HYCC1: variants seen among roughly 807,000 people sequenced by gnomAD.
The protein encoded by HYCC1 is hyccin.
chr7:22,946,940 G>C, the HYCC1 span: 1 of 1,539,266 alleles, frequency 6.5e-7, no homozygotes, highest in Admixed American at 2.0e-5. Context: ...GTGGCCCTTT[G>C]CCTTAAGATA....
At chr7:22,929,893 G>A in the HYCC1 span, among the ~76,000 whole-genome samples, 10,256 of 152,152 alleles carry the variant, frequency 0.067, 489 homozygotes, top group Non-Finnish European at 0.095. Flanking sequence ...ACGTGCACAC[G>A]TATGTTTATA....
At chr7:22,974,723 T>G in the HYCC1 span, among the ~76,000 whole-genome samples, 2 of 152,194 alleles carry the variant, frequency 1.3e-5, no homozygotes, top group Non-Finnish European at 2.9e-5. Context: ...CCGTCCTCTG[T>G]GATATGGTTT....
the HYCC1 span, among the ~76,000 whole-genome samples, chr7:22,929,873 C>G: frequency 3.3e-5 from 5 of 152,158 alleles, no homozygotes; most frequent in African/African-American, 1.2e-4. Context: ...AATCATGCTG[C>G]TATAAAGACA....
the HYCC1 span, among the ~76,000 whole-genome samples, chr7:22,984,818 A>G: frequency 6.6e-6 from 1 of 152,156 alleles, no homozygotes; most frequent in Non-Finnish European, 1.5e-5. Flanking sequence ...GAGCTAGAGA[A>G]AAAGATATCC....
chr7:23,011,082 TC>T, the HYCC1 span, among the ~76,000 whole-genome samples: 10 of 152,178 alleles, frequency 6.6e-5, no homozygotes, highest in Non-Finnish European at 1.5e-5. Context: ...AACCTGTTCC[TC>T]CTCCACTGGA....
At chr7:22,921,626 G>C in the HYCC1 span, among the ~76,000 whole-genome samples, 207 of 152,276 alleles carry the variant, frequency 1.4e-3, 7 homozygotes, top group East Asian at 0.034. Context: ...TAGGGGATTA[G>C]TTCCACACGG....
chr7:22,989,242 G>T, the HYCC1 span, among the ~76,000 whole-genome samples: 1 of 150,782 alleles, frequency 6.6e-6, no homozygotes. Flanking sequence ...AAAAAAAGCC[G>T]TGATAACAGA....
chr7:22,979,167 T>C, the HYCC1 span, among the ~76,000 whole-genome samples: 1 of 152,214 alleles, frequency 6.6e-6, no homozygotes, highest in Non-Finnish European at 1.5e-5. Flanking sequence ...AAACAGATTT[T>C]CTACAACCAA....
At chr7:22,907,385 C>T in the HYCC1 span, among the ~76,000 whole-genome samples, 3 of 152,168 alleles carry the variant, frequency 2.0e-5, no homozygotes, top group Non-Finnish European at 4.4e-5. Context: ...CTTAGCCTGT[C>T]CAGGCAACCT....
chr7:22,922,398 C>T, the HYCC1 span, among the ~76,000 whole-genome samples: 2 of 152,312 alleles, frequency 1.3e-5, no homozygotes, highest in African/African-American at 4.8e-5. Context: ...ATACATCCAG[C>T]CTACTATATC....
chr7:22,940,519 T>C, the HYCC1 span: 6 of 152,282 alleles, frequency 3.9e-5, no homozygotes, highest in African/African-American at 1.4e-4. Context: ...CCCAAAAGGC[T>C]GGGATTACAG....
the HYCC1 span, among the ~76,000 whole-genome samples, chr7:22,978,908 C>T: frequency 1.3e-5 from 2 of 152,078 alleles, no homozygotes; most frequent in South Asian, 2.1e-4. Context: ...CAACATTATC[C>T]AGTTAATAGA....
chr7:22,976,281 C>T, the HYCC1 span: 1 of 1,612,350 alleles, frequency 6.2e-7, no homozygotes, highest in Non-Finnish European at 8.5e-7. Context: ...TGTAACACAA[C>T]AAAAGGAATG....
the HYCC1 span, among the ~76,000 whole-genome samples, chr7:22,982,579 C>T: frequency 6.6e-6 from 1 of 152,174 alleles, no homozygotes; most frequent in Non-Finnish European, 1.5e-5. Context: ...ATCAATCAAA[C>T]TCAAGTACAA....
the HYCC1 span, among the ~76,000 whole-genome samples, chr7:22,997,594 T>C: frequency 6.6e-6 from 1 of 152,200 alleles, no homozygotes; most frequent in Admixed American, 6.5e-5. Flanking sequence ...AAAATTAATT[T>C]AATTTTAGGA....
the HYCC1 span, among the ~76,000 whole-genome samples, chr7:22,920,234 C>T: frequency 2.6e-5 from 4 of 152,066 alleles, no homozygotes; most frequent in African/African-American, 9.7e-5. Flanking sequence ...GTAGTCCCAG[C>T]TACTTGAGAG....
the HYCC1 span, among the ~76,000 whole-genome samples, chr7:22,906,577 C>CAAA: frequency 9.2e-5 from 11 of 119,110 alleles, no homozygotes; most frequent in Admixed American, 2.6e-4. Flanking sequence ...GACTCGGTCT[C>CAAA]AAAAAAAAAA....
At chr7:22,949,521 C>T in the HYCC1 span, among the ~76,000 whole-genome samples, 39,505 of 151,606 alleles carry the variant, frequency 0.26, 5,485 homozygotes, top group Non-Finnish European at 0.32. Context: ...AATGGAGAGC[C>T]GGAGAAAATA....
the HYCC1 span, among the ~76,000 whole-genome samples, chr7:22,958,975 T>A: frequency 3.3e-5 from 5 of 152,152 alleles, no homozygotes; most frequent in East Asian, 9.6e-4. Context: ...TCTCACACAT[T>A]AATGCCAAAA....
Sources: allele counts gnomAD v4.1 joint callset (sites outside exome capture counted in the v4.1 genomes callset), GRCh38; gene constraint gnomAD v4.1.1; transcripts MANE v1.5; gene names NCBI Gene and HGNC (gene_info 2026-07-23, HGNC 2026-07-21).